PDE10A: variants seen among roughly 807,000 people sequenced by gnomAD.
PDE10A encodes the protein cAMP and cAMP-inhibited cGMP 3',5'-cyclic phosphodiesterase 10A.
A neutral mutation model predicts 97.7 loss-of-function variants in PDE10A; 39 were observed. That is an observed-to-expected ratio of 0.40 (90% CI 0.31 to 0.52). The LOEUF (loss-of-function observed/expected upper bound fraction) is 0.52. Among genes scored for constraint, PDE10A ranks in the 20% least tolerant of loss-of-function variants. The pLI is 0.56. For missense variants in PDE10A, 731 were observed against 1,047.8 expected (o/e 0.70, Z 4.17); for synonymous variants, 371 against 376.8 (o/e 0.98, Z 0.18).
intron 1 of PDE10A, among the ~76,000 whole-genome samples, chr6:165,968,510 C>T (rs10946112): frequency 0.18 from 26,751 of 152,058 alleles, 2,486 homozygotes; most frequent in Non-Finnish European, 0.2. Flanking sequence ...TTTCTTTTGA[C>T]CAAGGAGGAA....
intron 1 of PDE10A, among the ~76,000 whole-genome samples, chr6:165,812,972 C>A (rs1380140427): frequency 6.6e-6 from 1 of 152,132 alleles, no homozygotes; most frequent in East Asian, 1.9e-4. Context: ...ATTTCTAAAC[C>A]CAGTGGTTTC....
intron 1 of PDE10A, among the ~76,000 whole-genome samples, chr6:165,868,897 C>A (rs746043085): frequency 6.6e-6 from 1 of 151,764 alleles, no homozygotes; most frequent in Admixed American, 6.6e-5. Flanking sequence ...GACATCATAT[C>A]AGCAGAATGA....
At chr6:165,740,316 A>AAGAGAG (rs60010542) in intron 1 of PDE10A, among the ~76,000 whole-genome samples, 18 of 146,566 alleles carry the variant, frequency 1.2e-4, no homozygotes, top group East Asian at 4.1e-4. Context: ...TATGGAGAGA[A>AAGAGAG]AGAGAGAGAG....
intron 1 of PDE10A, among the ~76,000 whole-genome samples, chr6:165,972,952 A>C (rs1328772168): frequency 2.7e-5 from 4 of 149,232 alleles, no homozygotes; most frequent in African/African-American, 5.0e-5. Flanking sequence ...CTCCATTCCC[A>C]CCCTCTCTCC....
chr6:165,759,007 G>A (rs955761780), intron 1 of PDE10A, among the ~76,000 whole-genome samples: 2 of 152,132 alleles, frequency 1.3e-5, no homozygotes, highest in Non-Finnish European at 2.9e-5. Context: ...GCGATTTGAG[G>A]CCACACTGTC....
chr6:165,340,236 C>T (rs1314364825), intron 19 of PDE10A, among the ~76,000 whole-genome samples: 1 of 152,162 alleles, frequency 6.6e-6, no homozygotes, highest in East Asian at 1.9e-4. Context: ...AAAACTTGTA[C>T]AATCTTCTTA....
chr6:165,918,686 A>G (rs1014192657), intron 1 of PDE10A, among the ~76,000 whole-genome samples: 7 of 152,198 alleles, frequency 4.6e-5, no homozygotes, highest in African/African-American at 1.4e-4. Context: ...AAATTTGGCT[A>G]TGTTTTCAGA....
intron 1 of PDE10A, among the ~76,000 whole-genome samples, chr6:165,692,612 T>C (rs4334957): frequency 2.0e-5 from 3 of 152,008 alleles, no homozygotes; most frequent in African/African-American, 7.3e-5. Context: ...ACTGGTTAAA[T>C]ATATCAAGAG....
chr6:165,902,827 G>T (rs942605126), intron 1 of PDE10A, among the ~76,000 whole-genome samples: 2 of 152,234 alleles, frequency 1.3e-5, no homozygotes, highest in Admixed American at 1.3e-4. Context: ...AGGTAACAGT[G>T]AGTCCCTGGA....
intron 18 of PDE10A, among the ~76,000 whole-genome samples, chr6:165,348,208 A>T (rs964456377): frequency 6.6e-6 from 1 of 152,220 alleles, no homozygotes; most frequent in Non-Finnish European, 1.5e-5. Flanking sequence ...CAAATTATGA[A>T]ATTAGTTTAT....
At chr6:165,467,424 C>G (rs937126356) in intron 3 of PDE10A, among the ~76,000 whole-genome samples, 1 of 152,090 alleles carries the variant, frequency 6.6e-6, no homozygotes, top group African/African-American at 2.4e-5. Context: ...CAGGTGACTC[C>G]CTTATTAGTG....
intron 5 of PDE10A, among the ~76,000 whole-genome samples, chr6:165,437,368 C>T (rs220816): frequency 0.19 from 29,534 of 151,916 alleles, 3,192 homozygotes; most frequent in Admixed American, 0.28. Context: ...ATCATATAGT[C>T]AGTATTATAA....
chr6:165,331,754 A>G lies in PDE10A; in HGVS notation c.*1271T>C, dbSNP rs1781353981. 1 of 152,336 alleles carries G rather than the reference A, an allele frequency of 6.6e-6. No individual in the cohort carries two copies. The highest frequency in any genetic ancestry group is 2.4e-5 in the African/African-American group (1 of 41,570). The allele number at this position is 152,336 out of a possible 1,614,324, so 9.4% of individuals were successfully genotyped here. On this transcript the variant is annotated 3_prime_UTR_variant, in exon 22 of 22. Transcript: ENST00000539869. Reference sequence around the variant, plus strand: ...GTATTACTTTCGTATTTTTTAAAACACTTACATTGTATAGTAATACTGGTC... The same window carrying G: ...GTATTACTTTCGTATTTTTTAAAACGCTTACATTGTATAGTAATACTGGTC...
At chr6:165,985,015 AT>A (rs1260483283) in intron 1 of PDE10A, among the ~76,000 whole-genome samples, 5 of 152,196 alleles carry the variant, frequency 3.3e-5, no homozygotes, top group Non-Finnish European at 7.3e-5. Flanking sequence ...CATTGCCTCC[AT>A]TTTGGAGACA....
chr6:165,932,914 C>A (rs1783185673), intron 1 of PDE10A, among the ~76,000 whole-genome samples: 1 of 152,312 alleles, frequency 6.6e-6, no homozygotes, highest in East Asian at 1.9e-4. Flanking sequence ...CCAAGGAGAC[C>A]AGGCAGAGTT....
intron 13 of PDE10A, among the ~76,000 whole-genome samples, chr6:165,412,050 CATCT>C (rs1470389990): frequency 1.3e-5 from 2 of 151,580 alleles, no homozygotes; most frequent in Non-Finnish European, 2.9e-5. Context: ...TATTTTTTGA[CATCT>C]ATCAAAATGT....
chr6:165,719,058 C>A (rs1792098476), intron 1 of PDE10A, among the ~76,000 whole-genome samples: 1 of 150,626 alleles, frequency 6.6e-6, no homozygotes, highest in Admixed American at 6.6e-5. Context: ...TTTTAAAAAC[C>A]AATAGTTGGA....
Position 165,413,580 on chromosome 6 carries a change from C to T in PDE10A, c.1997G>A (p.Gly666Asp). 6.2e-7 allele frequency: 1 copy of T among 1,614,074 alleles called. No individual in the cohort carries two copies. Among genetic ancestry groups the T allele is most frequent in the South Asian group, 1.1e-5 (1 of 91,078 alleles). ...TTCATCTGTTTTAGAGAAGGCACTG[C>T]CACTGATTTTGTTGACCATCTGCAC... ...GVVQMVNKIS[G>D]SAFSKTDENN... Residue 666 changes from glycine to aspartate, a missense_variant, in exon 13 of 22, where the codon GGC (glycine) becomes GAC (aspartate). Physicochemically the swap from Gly to Asp is moderately conservative, Grantham distance 94. Transcript: ENST00000539869.
At chr6:165,927,832 G>T (rs556461919) in intron 1 of PDE10A, among the ~76,000 whole-genome samples, 1 of 149,732 alleles carries the variant, frequency 6.7e-6, no homozygotes, top group East Asian at 2.0e-4. Context: ...AAGTATCTGG[G>T]ACTATAGGTG....
Sources: gnomAD v4.1 joint callset for allele counts (sites outside exome capture counted in the v4.1 genomes callset) on GRCh38, gnomAD v4.1.1 for gene constraint, MANE v1.5 for transcripts, NCBI Gene and HGNC (gene_info 2026-07-23, HGNC 2026-07-21) for gene names.